Variants in R3HCC1L observed in about 807,000 individuals in gnomAD.
R3HCC1L encodes the protein coiled-coil domain-containing protein R3HCC1L.
A neutral mutation model predicts 59.9 loss-of-function variants in R3HCC1L; 51 were observed. The ratio of observed to expected loss-of-function variants is 0.85; its 90% CI spans 0.68 to 1.07. R3HCC1L has a LOEUF of 1.07. R3HCC1L is among the 50% of genes least tolerant of loss of function. The probability of loss-of-function intolerance (pLI) is 0.00; values close to 1 mark genes in which losing one functional copy is unlikely to be tolerated. For synonymous variants in R3HCC1L, 322 were observed against 315.2 expected (o/e 1.02, Z -0.23); for missense variants, 965 against 933.0 (o/e 1.03, Z -0.45).
chr10:98,215,477 C>G (rs540245825), intron 5 of R3HCC1L, among the ~76,000 whole-genome samples: 4 of 152,290 alleles, frequency 2.6e-5, no homozygotes, highest in Middle Eastern at 3.4e-3. Context: ...TTTCCTAATA[C>G]TTCACGTTCA....
rs1326075497 is a variant in R3HCC1L, at chr10:98,195,473, C to G, written c.-14-12628C>G. Among the ~76,000 whole-genome samples, 3 of 149,626 alleles carry G rather than the reference C, an allele frequency of 2.0e-5. No individual in the cohort carries two copies. In the East Asian group the frequency reaches 5.8e-4, roughly 29 times the overall value. ...TTTTTTTTTTTTACTACAGAAAATG[C>G]ACAAAACGTCTATAAGCATACAAAA... On this transcript the variant is annotated intron_variant, in intron 4 of 9. Coordinates refer to ENST00000298999, the MANE Select transcript of R3HCC1L (RefSeq NM_001351015.2).
chr10:98,208,402 A>G lies in R3HCC1L; in HGVS notation c.288A>G (p.Thr96=). ...CTTCAACAAAATTAAGAATGGACAC[A>G]TGCCTTCAAAAAACAAATAGAGTTT... ...KKSSTKLRMD[T]CLQKTNRVCS... The change falls in exon 5 of 10, where the codon ACA becomes ACG. Residue 96 remains threonine, a synonymous_variant. Transcript: ENST00000298999. The G allele has an allele frequency of 1.9e-6, 3 of 1,613,930 alleles. No homozygotes were observed. The highest frequency in any genetic ancestry group is 1.1e-5 in the South Asian group (1 of 91,066).
At chr10:98,176,418 C>T (rs1377268532) in intron 4 of R3HCC1L, among the ~76,000 whole-genome samples, 2 of 152,096 alleles carry the variant, frequency 1.3e-5, no homozygotes, top group Non-Finnish European at 2.9e-5. Context: ...GATGTCTTAT[C>T]AATGTATTTT....
At chr10:98,202,180 C>T (rs544247892) in intron 4 of R3HCC1L, among the ~76,000 whole-genome samples, 2 of 152,146 alleles carry the variant, frequency 1.3e-5, no homozygotes, top group East Asian at 1.9e-4. Flanking sequence ...TGCAGGGACC[C>T]CTCAAGTTGG....
chr10:98,179,479 G>A (rs1265764339), intron 4 of R3HCC1L, among the ~76,000 whole-genome samples: 2 of 152,200 alleles, frequency 1.3e-5, no homozygotes, highest in South Asian at 2.1e-4. Context: ...ATTTTACTTA[G>A]GATTTTCGAA....
intron 5 of R3HCC1L, among the ~76,000 whole-genome samples, chr10:98,226,401 G>T (rs1387243114): frequency 6.6e-6 from 1 of 152,182 alleles, no homozygotes. Context: ...AACATTGTTG[G>T]AGGAAATTAA....
At chr10:98,136,017 G>A (rs995909814) in intron 1 of R3HCC1L, among the ~76,000 whole-genome samples, 1 of 135,064 alleles carries the variant, frequency 7.4e-6, no homozygotes, top group Non-Finnish European at 1.6e-5. Context: ...TCTGCAATCA[G>A]TTTTTTTTTT....
intron 4 of R3HCC1L, among the ~76,000 whole-genome samples, chr10:98,187,509 A>G (rs1456615956): frequency 2.0e-5 from 3 of 152,264 alleles, no homozygotes; most frequent in South Asian, 2.1e-4. Flanking sequence ...CAGAGTATCA[A>G]TTCTTTGATG....
intron 4 of R3HCC1L, among the ~76,000 whole-genome samples, chr10:98,191,472 A>T (rs922972880): frequency 2.1e-5 from 3 of 145,278 alleles, no homozygotes; most frequent in African/African-American, 7.6e-5. Flanking sequence ...GTGTCTGTTC[A>T]TATCCTTTGC....
chr10:98,188,329 A>G (rs1028575689), intron 4 of R3HCC1L, among the ~76,000 whole-genome samples: 21 of 152,336 alleles, frequency 1.4e-4, no homozygotes, highest in African/African-American at 4.8e-4. Flanking sequence ...AGAGCGCAGA[A>G]TACCCAGCCC....
intron 4 of R3HCC1L, among the ~76,000 whole-genome samples, chr10:98,170,787 C>G (rs974615445): frequency 6.6e-5 from 10 of 152,192 alleles, no homozygotes; most frequent in African/African-American, 2.2e-4. Flanking sequence ...CACATTGACC[C>G]TCTGTTCATT....
intron 4 of R3HCC1L, among the ~76,000 whole-genome samples, chr10:98,191,864 G>T (rs531535855): frequency 1.3e-5 from 2 of 152,202 alleles, no homozygotes; most frequent in African/African-American, 4.8e-5. Flanking sequence ...TCACTCTGTT[G>T]CCCAGGCTGG....
At chr10:98,137,388 A>C (rs1844702777) in intron 1 of R3HCC1L, among the ~76,000 whole-genome samples, 1 of 152,188 alleles carries the variant, frequency 6.6e-6, no homozygotes, top group Non-Finnish European at 1.5e-5. Flanking sequence ...ATGAGATGTG[A>C]CCATAAATGG....
At chr10:98,218,928 T>C (rs1024664003) in intron 5 of R3HCC1L, among the ~76,000 whole-genome samples, 1 of 152,204 alleles carries the variant, frequency 6.6e-6, no homozygotes, top group Non-Finnish European at 1.5e-5. Flanking sequence ...AGACTTTGTT[T>C]CTTTTTTTTT....
In R3HCC1L at chr10:98,147,831, G is replaced by A. The variant is rs146333373; in HGVS notation, c.-267-8262G>A. ...TCAGAGTTTTGTAGTGTAATTTGAA[G>A]TCAGATAGTGTGATACCTCCAGTTT... On this transcript the variant is annotated intron_variant, in intron 1 of 9. Coordinates refer to ENST00000298999, the MANE Select transcript of R3HCC1L (RefSeq NM_001351015.2). Among the ~76,000 whole-genome samples, 629 of 152,250 alleles carry A rather than the reference G, an allele frequency of 4.1e-3. 6 individuals carry two copies. The highest frequency in any genetic ancestry group is 6.8e-3 in the Non-Finnish European group (465 of 67,970).
rs147298616 is a variant in R3HCC1L, at chr10:98,154,620, G to A, written c.-267-1473G>A. The stretch of plus-strand genomic sequence containing the variant: ...AGCCACATAGCCACACCTTGCTGCT[G>A]GAGAGGCTGGGAAATGTAGACTTTA... On this transcript the variant is annotated intron_variant, in intron 1 of 9. Transcript: ENST00000298999. 2.3e-3 allele frequency among the ~76,000 whole-genome samples: 352 copies of A among 151,088 alleles called. 2 individuals carry two copies. Among genetic ancestry groups the A allele is most frequent in the African/African-American group, 8.2e-3 (332 of 40,414 alleles).
chr10:98,197,884 T>C (rs1851614728), intron 4 of R3HCC1L, among the ~76,000 whole-genome samples: 2 of 152,214 alleles, frequency 1.3e-5, no homozygotes. Context: ...TAACCTTTTC[T>C]ATATAGTAAT....
At chr10:98,190,056 A>G (rs12780143) in intron 4 of R3HCC1L, among the ~76,000 whole-genome samples, 48,743 of 152,154 alleles carry the variant, frequency 0.32, 7,995 homozygotes, top group East Asian at 0.48. Context: ...ACCTATGTAC[A>G]TCCTCCTTTT....
intron 1 of R3HCC1L, among the ~76,000 whole-genome samples, chr10:98,145,043 A>G (rs779988883): frequency 1.3e-5 from 2 of 152,190 alleles, no homozygotes; most frequent in Admixed American, 1.3e-4. Context: ...TGTTAAGTTT[A>G]TATGTGTGTG....
Sources: gnomAD v4.1 joint callset for allele counts (sites outside exome capture counted in the v4.1 genomes callset) on GRCh38, gnomAD v4.1.1 for gene constraint, MANE v1.5 for transcripts, NCBI Gene and HGNC (gene_info 2026-07-23, HGNC 2026-07-21) for gene names.